Variants in NRXN3 observed in about 807,000 individuals in gnomAD.
NRXN3 encodes neurexin 3.
A neutral mutation model predicts 137.6 loss-of-function variants in NRXN3; 32 were observed. The observed-to-expected ratio is 0.23, with a 90% CI of 0.18 to 0.31. NRXN3 has a LOEUF of 0.31. Ranked by LOEUF, NRXN3 falls within the 10% of genes least tolerant of loss-of-function variation. The pLI is 1.00. For synonymous variants in NRXN3, 798 were observed against 784.5 expected (o/e 1.02, Z -0.29); for missense variants, 1,574 against 2,062.5 (o/e 0.76, Z 4.59).
intron 19 of NRXN3, among the ~76,000 whole-genome samples, chr14:79,799,667 C>T (rs1228876999): frequency 6.6e-6 from 1 of 152,082 alleles, no homozygotes; most frequent in Non-Finnish European, 1.5e-5. Context: ...CCTGAAATGC[C>T]CTTCTCCTTC....
At chr14:78,745,608 T>A (rs2098603492) in intron 8 of NRXN3, among the ~76,000 whole-genome samples, 1 of 152,236 alleles carries the variant, frequency 6.6e-6, no homozygotes, top group Non-Finnish European at 1.5e-5. Flanking sequence ...CCTTTGCGTT[T>A]GCCTCTTTTC....
At chr14:78,836,631 G>T (rs2098997785) in intron 10 of NRXN3, among the ~76,000 whole-genome samples, 1 of 152,180 alleles carries the variant, frequency 6.6e-6, no homozygotes, top group African/African-American at 2.4e-5. Flanking sequence ...CAGAAAGAAA[G>T]GAAAATAAAA....
At chr14:79,846,163 GAAA>G (rs1266570514) in intron 20 of NRXN3, among the ~76,000 whole-genome samples, 2 of 152,198 alleles carry the variant, frequency 1.3e-5, no homozygotes, top group Admixed American at 6.5e-5. Context: ...CAGGCAGGTA[GAAA>G]AATGGTGCCA....
chr14:79,325,596 C>T (rs932258765), intron 15 of NRXN3, among the ~76,000 whole-genome samples: 2 of 152,166 alleles, frequency 1.3e-5, no homozygotes, highest in Admixed American at 1.3e-4. Context: ...TTTAATTTGT[C>T]TTGTTTTTAG....
chr14:79,304,333 G>A (rs35835206), intron 15 of NRXN3, among the ~76,000 whole-genome samples: 41,362 of 151,960 alleles, frequency 0.27, 6,044 homozygotes, highest in East Asian at 0.39. Flanking sequence ...CTAAGAGGTT[G>A]TGGTGTAAGA....
intron 15 of NRXN3, among the ~76,000 whole-genome samples, chr14:79,168,517 T>A (rs1031249169): frequency 1.3e-5 from 2 of 152,026 alleles, no homozygotes; most frequent in South Asian, 4.1e-4. Context: ...TGTTTTTAAA[T>A]TTTTTAGGTG....
intron 10 of NRXN3, among the ~76,000 whole-genome samples, chr14:78,954,675 C>T (rs924140144): frequency 1.1e-4 from 17 of 151,772 alleles, no homozygotes; most frequent in African/African-American, 3.6e-4. Context: ...CTGTGTTAGC[C>T]AGGATAGTCT....
At position 78,350,714 on chromosome 14, in the gene NRXN3, G is replaced by A. The variant is rs115683457; in HGVS notation, c.757+52854G>A. On this transcript the variant is annotated intron_variant, in intron 4 of 20. Coordinates refer to ENST00000335750, the MANE Select transcript of NRXN3 (RefSeq NM_001330195.2). ...AATGTAGAGGTGGAAACATGAGGCAGGGGGCTCATTAATGACCTGTATGAG... is the reference window on the plus strand; with the variant it reads ...AATGTAGAGGTGGAAACATGAGGCAAGGGGCTCATTAATGACCTGTATGAG... Among the ~76,000 whole-genome samples, 527 of 152,214 alleles carry A rather than the reference G, an allele frequency of 3.5e-3. 2 individuals are homozygous for A. The highest frequency in any genetic ancestry group is 0.012 in the African/African-American group (515 of 41,542).
chr14:78,223,099 G>A (rs2064049414), intron 1 of NRXN3, among the ~76,000 whole-genome samples: 1 of 152,176 alleles, frequency 6.6e-6, no homozygotes. Context: ...CTTGCCAGAG[G>A]GTTGCATGAC....
At chr14:79,813,218 A>G (rs2140891079) in intron 20 of NRXN3, among the ~76,000 whole-genome samples, 1 of 152,130 alleles carries the variant, frequency 6.6e-6, no homozygotes, top group African/African-American at 2.4e-5. Flanking sequence ...AAGCATGTTG[A>G]TTTTTCTTTA....
intron 4 of NRXN3, among the ~76,000 whole-genome samples, chr14:78,575,823 T>C (rs2096930871): frequency 6.6e-6 from 1 of 152,192 alleles, no homozygotes; most frequent in Non-Finnish European, 1.5e-5. Flanking sequence ...AGATATAGCA[T>C]AGTATTCCAG....
chr14:78,943,621 A>AATAT (rs60429358), intron 10 of NRXN3, among the ~76,000 whole-genome samples: 40 of 27,838 alleles, frequency 1.4e-3, no homozygotes, highest in Admixed American at 2.0e-3. Flanking sequence ...AAAAAAAAAA[A>AATAT]ATATATATAT....
intron 15 of NRXN3, among the ~76,000 whole-genome samples, chr14:78,999,528 G>C (rs551513135): frequency 6.2e-4 from 94 of 152,224 alleles, no homozygotes; most frequent in African/African-American, 2.3e-3. Flanking sequence ...GTTTTACTAG[G>C]ACTAGGTGTT....
intron 10 of NRXN3, among the ~76,000 whole-genome samples, chr14:78,917,977 A>AAC: frequency 6.8e-6 from 1 of 146,342 alleles, no homozygotes; most frequent in East Asian, 2.0e-4. Context: ...AAAATAAAAA[A>AAC]ATAAAAAAAT....
At chr14:79,336,250 C>T (rs1009554999) in intron 15 of NRXN3, among the ~76,000 whole-genome samples, 1 of 152,094 alleles carries the variant, frequency 6.6e-6, no homozygotes, top group Non-Finnish European at 1.5e-5. Flanking sequence ...CTTACAACAG[C>T]CTGCTGAAGC....
At chr14:79,041,556 T>C (rs911949737) in intron 15 of NRXN3, among the ~76,000 whole-genome samples, 4 of 152,204 alleles carry the variant, frequency 2.6e-5, no homozygotes, top group Non-Finnish European at 4.4e-5. Flanking sequence ...TAAAAAATTA[T>C]TCAACTCATT....
chr14:79,719,794 CACATACA>C lies in NRXN3; in HGVS notation c.4014+21867_4014+21873del, dbSNP rs553337966. On this transcript the variant is annotated intron_variant, in intron 19 of 20. Coordinates refer to ENST00000335750, the MANE Select transcript of NRXN3 (RefSeq NM_001330195.2). ...TTCAGACATGTTCTTTCTACTTGAG[CACATACA>C]ACATACAACTTGAGCATGCTTGTTT... 2.6e-4 allele frequency among the ~76,000 whole-genome samples: 40 copies of C among 152,130 alleles called. 1 individual carries two copies. In the South Asian group the frequency reaches 7.9e-3, roughly 30 times the overall value.
rs141680030 is a variant in NRXN3 at position 78,188,708 on chromosome 14, G to A, written c.-704+18034G>A. ...ATCAGAGCAGCCAAATGTGAATGCAGGTGAGTTCTGTGTGTGCAAACTTGG... is the reference window on the plus strand; with the variant it reads ...ATCAGAGCAGCCAAATGTGAATGCAAGTGAGTTCTGTGTGTGCAAACTTGG... On this transcript the variant is annotated intron_variant, in intron 1 of 20. Transcript: ENST00000335750. Among the ~76,000 whole-genome samples, 106 of 152,294 alleles carry A rather than the reference G, an allele frequency of 7.0e-4. 1 individual carries two copies. In the East Asian group the frequency reaches 0.013, roughly 19 times the overall value.
At chr14:79,040,980 T>G (rs2099624111) in intron 15 of NRXN3, among the ~76,000 whole-genome samples, 13 of 152,152 alleles carry the variant, frequency 8.5e-5, no homozygotes, top group Admixed American at 8.5e-4. Flanking sequence ...CCCTTATCTG[T>G]GCCTGCAGGC....
Sources: gnomAD v4.1 joint callset for allele counts (sites outside exome capture counted in the v4.1 genomes callset) on GRCh38, gnomAD v4.1.1 for gene constraint, MANE v1.5 for transcripts, NCBI Gene and HGNC (gene_info 2026-07-23, HGNC 2026-07-21) for gene names.